Variants in SEMA5A observed in about 807,000 individuals in gnomAD.
The protein encoded by SEMA5A is semaphorin 5A, also known as semaphorin-5A.
Under a neutral mutation model 135.5 loss-of-function variants are expected in SEMA5A, and 55 were observed. The observed-to-expected ratio is 0.41, with a 90% CI of 0.33 to 0.51. The LOEUF is 0.51. Among genes scored for constraint, SEMA5A ranks in the 20% least tolerant of loss-of-function variants. The pLI is 0.37. For synonymous variants in SEMA5A, 580 were observed against 546.5 expected (o/e 1.06, Z -0.85); for missense variants, 1,290 against 1,419.9 (o/e 0.91, Z 1.47).
chr5:9,174,401 A>G (rs774307341), intron 11 of SEMA5A, among the ~76,000 whole-genome samples: 2 of 152,188 alleles, frequency 1.3e-5, no homozygotes, highest in Non-Finnish European at 2.9e-5. Context: ...TGGTATCCTC[A>G]TCTTCTCTGC....
At chr5:9,277,739 C>T (rs909094401) in intron 5 of SEMA5A, among the ~76,000 whole-genome samples, 14 of 152,254 alleles carry the variant, frequency 9.2e-5, no homozygotes, top group African/African-American at 3.1e-4. Context: ...ACCACATGTT[C>T]TCACTCATAA....
Position 9,393,451 on chromosome 5 carries a change from A to G in SEMA5A, c.-77-13428T>C, listed in dbSNP as rs561655945. 3.9e-5 allele frequency among the ~76,000 whole-genome samples: 6 copies of G among 152,300 alleles called. No individual in the cohort carries two copies. The East Asian group carries it at 1.2e-3, about 29-fold the overall frequency. On this transcript the variant is annotated intron_variant, in intron 2 of 22. Coordinates refer to ENST00000382496, the MANE Select transcript of SEMA5A (RefSeq NM_003966.3). ...GTTTAGGAGAGGCAGCCTTGCATAG[A>G]TACTAGGAGCACAGACTCTGGATCC...
chr5:9,047,476 T>C (rs1025747508), intron 21 of SEMA5A, among the ~76,000 whole-genome samples: 1 of 152,202 alleles, frequency 6.6e-6, no homozygotes, highest in African/African-American at 2.4e-5. Flanking sequence ...ATTTTCTGCA[T>C]GGGGAAAGCA....
intron 1 of SEMA5A, among the ~76,000 whole-genome samples, chr5:9,544,146 T>C (rs1009314409): frequency 4.6e-5 from 7 of 152,144 alleles, no homozygotes; most frequent in Admixed American, 3.9e-4. Context: ...ATTAATAACA[T>C]ATCTGCTGAT....
chr5:9,538,183 A>G (rs1374419147), intron 1 of SEMA5A, among the ~76,000 whole-genome samples: 1 of 151,994 alleles, frequency 6.6e-6, no homozygotes, highest in Non-Finnish European at 1.5e-5. Flanking sequence ...CCCAAAACCT[A>G]TATTCAGCAT....
chr5:9,142,849 G>A (rs974678837), intron 12 of SEMA5A, among the ~76,000 whole-genome samples: 5 of 152,194 alleles, frequency 3.3e-5, no homozygotes, highest in African/African-American at 1.2e-4. Context: ...CATGTTGGGA[G>A]GCCGAGGCAG....
At chr5:9,400,039 T>G (rs1379282932) in intron 2 of SEMA5A, among the ~76,000 whole-genome samples, 1 of 152,196 alleles carries the variant, frequency 6.6e-6, no homozygotes, top group Non-Finnish European at 1.5e-5. Flanking sequence ...ACCATCATTC[T>G]CAGCAAACTA....
chr5:9,540,283 G>A (rs1218123707), intron 1 of SEMA5A, among the ~76,000 whole-genome samples: 1 of 152,182 alleles, frequency 6.6e-6, no homozygotes, highest in Non-Finnish European at 1.5e-5. Flanking sequence ...AGTGCGTGGA[G>A]TTCTGCAAAA....
chr5:9,138,771 C>T (rs934635490), intron 12 of SEMA5A, among the ~76,000 whole-genome samples: 1 of 152,110 alleles, frequency 6.6e-6, no homozygotes. Context: ...ACACTTTGCC[C>T]CTGAGTCCCC....
At chr5:9,354,268 C>T (rs771917790) in intron 3 of SEMA5A, among the ~76,000 whole-genome samples, 11 of 152,168 alleles carry the variant, frequency 7.2e-5, no homozygotes, top group Non-Finnish European at 1.0e-4. Context: ...TGTTTCCCAG[C>T]GTGGGACGAA....
intron 11 of SEMA5A, among the ~76,000 whole-genome samples, chr5:9,177,838 G>C (rs1744285052): frequency 6.6e-6 from 1 of 152,224 alleles, no homozygotes; most frequent in African/African-American, 2.4e-5. Flanking sequence ...GACACACGGG[G>C]ACACATGTCA....
At chr5:9,403,186 T>C (rs1756737369) in intron 2 of SEMA5A, among the ~76,000 whole-genome samples, 1 of 152,218 alleles carries the variant, frequency 6.6e-6, no homozygotes, top group East Asian at 1.9e-4. Context: ...TCCTTCCAAT[T>C]TGCATTCAAA....
At chr5:9,502,431 T>C (rs926637170) in intron 1 of SEMA5A, among the ~76,000 whole-genome samples, 4 of 152,094 alleles carry the variant, frequency 2.6e-5, no homozygotes, top group Non-Finnish European at 4.4e-5. Flanking sequence ...TTTAAGCACA[T>C]GTGATTTGAA....
intron 5 of SEMA5A, among the ~76,000 whole-genome samples, chr5:9,258,495 C>A (rs551246883): frequency 6.6e-6 from 1 of 152,250 alleles, no homozygotes; most frequent in South Asian, 2.1e-4. Context: ...TGCACTGGCT[C>A]TCTCTCTCTC....
intron 1 of SEMA5A, among the ~76,000 whole-genome samples, chr5:9,453,887 AC>A (rs1197247843): frequency 1.3e-5 from 2 of 152,226 alleles, no homozygotes; most frequent in Non-Finnish European, 2.9e-5. Context: ...TCACAGGCCA[AC>A]CTGAAGGACT....
Position 9,044,366 on chromosome 5 carries a change from C to CACTT in SEMA5A, c.3105+3_3105+6dup. On this transcript the variant is annotated splice_region_variant and intron_variant, in intron 22 of 22. Coordinates refer to ENST00000382496, the MANE Select transcript of SEMA5A (RefSeq NM_003966.3). ...GGCACTTAGCAGAAATATTAAAATT[C>CACTT]ACTTACCTTGATGGCCTCCACCGAG... 2 of 1,610,716 alleles carry CACTT rather than the reference C, an allele frequency of 1.2e-6. No individual in the cohort carries two copies. Among genetic ancestry groups the CACTT allele is most frequent in the South Asian group, 2.2e-5 (2 of 90,914 alleles).
chr5:9,380,988 C>G (rs771874593), intron 2 of SEMA5A, among the ~76,000 whole-genome samples: 1 of 151,928 alleles, frequency 6.6e-6, no homozygotes, highest in Admixed American at 6.6e-5. Flanking sequence ...GGAAGAGGTA[C>G]GCAACATGTT....
intron 13 of SEMA5A, among the ~76,000 whole-genome samples, chr5:9,129,094 T>C (rs1741268747): frequency 6.6e-6 from 1 of 152,246 alleles, no homozygotes; most frequent in African/African-American, 2.4e-5. Context: ...AATGTTCTCT[T>C]TCCAAATATA....
intron 7 of SEMA5A, among the ~76,000 whole-genome samples, chr5:9,225,934 T>G (rs1192896031): frequency 2.0e-5 from 3 of 152,170 alleles, no homozygotes; most frequent in African/African-American, 7.2e-5. Flanking sequence ...CTATGAGATG[T>G]GTACCTGGGT....
Sources: gnomAD v4.1 joint callset for allele counts (sites outside exome capture counted in the v4.1 genomes callset) on GRCh38, gnomAD v4.1.1 for gene constraint, MANE v1.5 for transcripts, NCBI Gene and HGNC (gene_info 2026-07-23, HGNC 2026-07-21) for gene names.